The following AMMECR1 variants were observed in gnomAD, a reference collection of about 807,000 sequenced individuals.
AMMECR1 encodes nuclear protein AMMECR1.
AMMECR1 carries 3 observed loss-of-function variants against 22.5 expected under a neutral mutation model. That is an observed-to-expected ratio of 0.13 (90% CI 0.06 to 0.35). The LOEUF (loss-of-function observed/expected upper bound fraction) is 0.35. Among genes scored for constraint, AMMECR1 ranks in the 10% least tolerant of loss-of-function variants. AMMECR1 has a pLI of 1.00. For missense variants in AMMECR1, 235 were observed against 278.7 expected, an observed-to-expected ratio of 0.84 and a Z score of 1.12; for synonymous variants, 130 against 116.7, an observed-to-expected ratio of 1.11 and a Z score of -0.74.
At chrX:110,423,301 C>T (rs55751827) in intron 2 of AMMECR1, among the ~76,000 whole-genome samples, 1 of 105,905 alleles carries the variant, frequency 9.4e-6, no homozygotes, top group Non-Finnish European at 1.9e-5. Flanking sequence ...GCACTCCAAC[C>T]TGGGCAACAA....
chrX:110,397,202 T>A, intron 2 of AMMECR1, among the ~76,000 whole-genome samples: 1 of 110,969 alleles, frequency 9.0e-6, no homozygotes, highest in East Asian at 2.8e-4. Context: ...CTGAGCTTGA[T>A]CTCCATGTCT....
chrX:110,304,114 C>A (rs1464281201), intron 1 of AMMECR1, among the ~76,000 whole-genome samples: 1 of 111,856 alleles, frequency 8.9e-6, no homozygotes, highest in Non-Finnish European at 1.9e-5. Context: ...AATTTTGTTT[C>A]TAAATAACAG....
intron 2 of AMMECR1, among the ~76,000 whole-genome samples, chrX:110,354,745 A>G (rs1034355733): frequency 5.3e-5 from 6 of 112,477 alleles, no homozygotes; most frequent in African/African-American, 1.6e-4. Context: ...ACTATACAAT[A>G]GGGAAAGGAC....
chrX:110,223,017 C>A (rs2067512486), intron 2 of AMMECR1, among the ~76,000 whole-genome samples: 1 of 111,665 alleles, frequency 9.0e-6, no homozygotes, highest in Non-Finnish European at 1.9e-5. Flanking sequence ...GGGAAAATTC[C>A]CTGTGAGCTG....
chrX:110,344,494 G>A (rs1156660127), intron 2 of AMMECR1, among the ~76,000 whole-genome samples: 2 of 111,563 alleles, frequency 1.8e-5, no homozygotes, highest in African/African-American at 6.6e-5. Flanking sequence ...ATTGACAAAT[G>A]GGATCTAATT....
intron 2 of AMMECR1, among the ~76,000 whole-genome samples, chrX:110,354,823 A>G (rs1478068719): frequency 3.6e-5 from 4 of 112,081 alleles, no homozygotes; most frequent in Non-Finnish European, 7.5e-5. Context: ...CTAGACCCCT[A>G]TCTCTCACCA....
chrX:110,317,878 C>T lies in AMMECR1; in HGVS notation c.194G>A (p.Gly65Asp). The T allele has an allele frequency of 8.4e-7, 1 of 1,184,417 alleles. No homozygotes were observed. Among genetic ancestry groups the T allele is most frequent in the South Asian group, 1.9e-5 (1 of 52,926 alleles). The change falls in exon 1 of 6, where the codon GGC (glycine) becomes GAC (aspartate). Residue 65 changes from glycine (G) to aspartate (D), a missense_variant. Gly to Asp is a moderately conservative substitution (Grantham distance 94). Transcript: ENST00000262844. ...GLGGLTGGGS[G>D]SGCTLSPPQG... is the part of the protein sequence containing the mutation. ...GGGGGGAGAGAGGGTACAGCCGCTG[C>T]CGCTACCTCCTCCGGTTAGACCTCC...
chrX:110,234,317 C>T (rs372819373), intron 2 of AMMECR1, among the ~76,000 whole-genome samples: 2 of 111,623 alleles, frequency 1.8e-5, no homozygotes, highest in Admixed American at 9.5e-5. Flanking sequence ...CACTGCTCAA[C>T]GAAATAAAAG....
At chrX:110,205,914 T>C (rs1460521054) in intron 3 of AMMECR1, among the ~76,000 whole-genome samples, 3 of 112,444 alleles carry the variant, frequency 2.7e-5, no homozygotes, top group Admixed American at 1.9e-4. Context: ...TCATATTTCA[T>C]GCTAAAAAGA....
chrX:110,213,006 TTA>T (rs1291186805), intron 3 of AMMECR1, among the ~76,000 whole-genome samples: 4 of 112,167 alleles, frequency 3.6e-5, no homozygotes, highest in Non-Finnish European at 7.5e-5. Flanking sequence ...ATTTCTCTCA[TTA>T]TATGTTTTTA....
intron 2 of AMMECR1, chrX:110,219,391 A>G: frequency 5.3e-6 from 4 of 753,721 alleles, no homozygotes; most frequent in African/African-American, 2.3e-5. Context: ...TTTTAAAAAT[A>G]CACATGCTGA....
intron 1 of AMMECR1, among the ~76,000 whole-genome samples, chrX:110,296,864 T>C (rs923070246): frequency 5.4e-5 from 6 of 110,946 alleles, no homozygotes; most frequent in African/African-American, 2.0e-4. Context: ...ACATCTAGGC[T>C]TCCTCAGTGA....
chrX:110,236,591 C>A (rs2067602833), intron 2 of AMMECR1, among the ~76,000 whole-genome samples: 1 of 111,977 alleles, frequency 8.9e-6, no homozygotes, highest in South Asian at 3.7e-4. Flanking sequence ...TGACTGTGCT[C>A]ATTTTTACTC....
At chrX:110,390,983 C>T (rs1428565996) in intron 2 of AMMECR1, among the ~76,000 whole-genome samples, 2 of 111,846 alleles carry the variant, frequency 1.8e-5, no homozygotes, top group Non-Finnish European at 3.8e-5. Flanking sequence ...GTAGCTTCAT[C>T]TTCAAAAGGT....
intron 2 of AMMECR1, among the ~76,000 whole-genome samples, chrX:110,371,864 A>T (rs943219724): frequency 1.8e-5 from 2 of 111,030 alleles, no homozygotes; most frequent in African/African-American, 6.5e-5. Context: ...GTGCTTCACC[A>T]TCCTTTTTGC....
intron 2 of AMMECR1, among the ~76,000 whole-genome samples, chrX:110,259,582 TTTC>T (rs2067728187): frequency 9.2e-6 from 1 of 109,175 alleles, no homozygotes; most frequent in Non-Finnish European, 1.9e-5. Flanking sequence ...TTAAGGAAAC[TTTC>T]TTTTTCTTTT....
At chrX:110,280,458 AT>A (rs2067846927) in intron 1 of AMMECR1, among the ~76,000 whole-genome samples, 1 of 112,004 alleles carries the variant, frequency 8.9e-6, no homozygotes, top group Admixed American at 9.5e-5. Context: ...CTAGAAAAAA[AT>A]GCTCTAAAGC....
rs139249644 is a variant in AMMECR1 at position 110,200,900 on chromosome X, G to A, written c.887+54C>T. 262 of 856,092 alleles carry A rather than the reference G, an allele frequency of 3.1e-4. 4 individuals are homozygous for A. The Admixed American group carries it at 4.7e-3, about 15-fold the overall frequency. The allele number at this position is 856,092 out of a possible 1,213,427, so 70.6% of individuals were successfully genotyped here. Reference sequence around the variant, plus strand: ...GACCAAAGAAATCAAAGGGTTATAGGCATACACATCAAAATGTACAGGTTA... The same window carrying A: ...GACCAAAGAAATCAAAGGGTTATAGACATACACATCAAAATGTACAGGTTA... On this transcript the variant is annotated intron_variant, in intron 5 of 5. Transcript: ENST00000262844.
chrX:110,355,577 A>T (rs1182932569), intron 2 of AMMECR1, among the ~76,000 whole-genome samples: 2 of 112,172 alleles, frequency 1.8e-5, no homozygotes, highest in African/African-American at 6.5e-5. Flanking sequence ...CAAAAAGATG[A>T]GTGATAAGTG....
Sources: allele counts gnomAD v4.1 joint callset (sites outside exome capture counted in the v4.1 genomes callset), GRCh38; gene constraint gnomAD v4.1.1; transcripts MANE v1.5; gene names NCBI Gene and HGNC (gene_info 2026-07-23, HGNC 2026-07-21).